CCDC174: variants seen among roughly 807,000 people sequenced by gnomAD.
The protein encoded by CCDC174 is coiled-coil domain-containing protein 174.
In CCDC174, 37 loss-of-function variants were observed where a neutral mutation model predicts 57.1. The ratio of observed to expected loss-of-function variants is 0.65; its 90% CI spans 0.50 to 0.85. The LOEUF is 0.85. Ranked by LOEUF, CCDC174 falls within the 40% of genes least tolerant of loss-of-function variation. CCDC174 has a pLI of 0.00. For missense variants in CCDC174, 540 were observed against 574.3 expected, an observed-to-expected ratio of 0.94 and a Z score of 0.61; for synonymous variants, 182 against 190.2, an observed-to-expected ratio of 0.96 and a Z score of 0.35.
At chr3:14,654,784 G>A (rs927327061) in intron 2 of CCDC174, among the ~76,000 whole-genome samples, 2 of 152,166 alleles carry the variant, frequency 1.3e-5, no homozygotes, top group Admixed American at 1.3e-4. Context: ...ATAAACAGAT[G>A]GAAGGTTATC....
intron 10 of CCDC174, among the ~76,000 whole-genome samples, chr3:14,670,611 G>T (rs777383657): frequency 6.6e-6 from 1 of 152,118 alleles, no homozygotes; most frequent in Non-Finnish European, 1.5e-5. Context: ...TTGTATTTTG[G>T]TATGAAATAC....
At chr3:14,661,416 G>C (rs2031130336) in intron 4 of CCDC174, 114 bp from the exon 5 acceptor site, 1 of 785,648 alleles carries the variant, frequency 1.3e-6, no homozygotes, top group Non-Finnish European at 2.1e-6. Flanking sequence ...GGAGGCATTG[G>C]CTGATGAGCT....
chr3:14,668,230 C>T (rs747971942), intron 9 of CCDC174, 49 bp downstream of exon 9: 12 of 1,525,884 alleles, frequency 7.9e-6, no homozygotes, highest in South Asian at 6.1e-5. Context: ...ATTTTATTTC[C>T]ATTGATGTCT....
chr3:14,656,505 A>G (rs920183178), intron 3 of CCDC174, among the ~76,000 whole-genome samples: 2 of 152,206 alleles, frequency 1.3e-5, no homozygotes, highest in East Asian at 3.8e-4. Context: ...TGTCCTTCCC[A>G]TTGAATCACA....
Position 14,666,937 on chromosome 3 carries a change from T to A in CCDC174, c.714T>A (p.Ile238=). The A allele has an allele frequency of 6.3e-7, 1 of 1,576,174 alleles. No homozygotes were observed. The highest frequency in any genetic ancestry group is 8.6e-7 in the Non-Finnish European group (1 of 1,169,224). ...RPMGPVHYED[I]RENEARQLGV... Reference sequence around the variant, plus strand: ...TGGGGCCCGTACATTATGAAGACATTCGGGAAAATGGTATGACTATTTTCT... The same window carrying A: ...TGGGGCCCGTACATTATGAAGACATACGGGAAAATGGTATGACTATTTTCT... Residue 238 remains isoleucine, a synonymous_variant, in exon 7 of 11, where the codon ATT becomes ATA. Transcript: ENST00000383794.
intron 4 of CCDC174, 69 bp from the exon 5 acceptor site, chr3:14,661,461 G>A (rs2031131890): frequency 7.2e-7 from 1 of 1,384,512 alleles, no homozygotes; most frequent in South Asian, 1.4e-5. Context: ...CAATGAATGT[G>A]ACTGCTTCTT....
At chr3:14,663,084 C>T (rs1250624729) in intron 5 of CCDC174, among the ~76,000 whole-genome samples, 1 of 152,220 alleles carries the variant, frequency 6.6e-6, no homozygotes, top group Non-Finnish European at 1.5e-5. Flanking sequence ...AGGGTCTCCA[C>T]ACTCCGTCAC....
chr3:14,654,715 A>G (rs2030893420), intron 2 of CCDC174, among the ~76,000 whole-genome samples, 185 bp downstream of exon 2: 1 of 152,240 alleles, frequency 6.6e-6, no homozygotes, highest in Non-Finnish European at 1.5e-5. Context: ...ATAAAAGTAC[A>G]TAGTAATGTG....
At chr3:14,667,628 C>A in intron 8 of CCDC174, 110 bp downstream of exon 8, 1 of 813,278 alleles carries the variant, frequency 1.2e-6, no homozygotes, top group Non-Finnish European at 2.0e-6. Context: ...AATTGATATT[C>A]AGAATTGCAT....
intron 2 of CCDC174, among the ~76,000 whole-genome samples, chr3:14,654,803 T>G (rs1181727032): frequency 6.6e-6 from 1 of 152,200 alleles, no homozygotes; most frequent in African/African-American, 2.4e-5. Flanking sequence ...TCTGGTTCTA[T>G]AAGTGTTAGG....
rs758160957 is a variant in CCDC174, at chr3:14,671,056, G to A, written c.1266G>A (p.Gly422=). ...SRPGPAQSDP[G]QCPDQSHGPS... ...CTGGGCCAGCACAGAGTGACCCAGG[G>A]CAGTGCCCTGACCAGAGCCACGGAC... is the stretch of plus-strand genomic sequence containing the variant. Residue 422 remains glycine (G), a synonymous_variant, in exon 11 of 11, where the codon GGG becomes GGA. Coordinates refer to ENST00000383794, the MANE Select transcript of CCDC174 (RefSeq NM_016474.5). 3 of 1,614,170 alleles carry A rather than the reference G, an allele frequency of 1.9e-6. No individual in the cohort carries two copies. The highest frequency in any genetic ancestry group is 1.7e-5 in the Admixed American group (1 of 60,022).
rs1464714681 is a variant in CCDC174, at chr3:14,651,842, C to A, written c.6C>A (p.Asp2Glu). Residue 2 changes from aspartate (D) to glutamate (E), a missense_variant, in exon 1 of 11, where the codon GAC becomes GAA. Coordinates refer to ENST00000383794, the MANE Select transcript of CCDC174 (RefSeq NM_016474.5). The part of the protein sequence containing the change: M[D>E]RRKKPLDVTA... Reference sequence around the variant, plus strand: ...CGGGACCCTCTGCCACGACCATGGACCGTAGGAAAAAGCCTTTGGACGTCA... The same window carrying A: ...CGGGACCCTCTGCCACGACCATGGAACGTAGGAAAAAGCCTTTGGACGTCA... The A allele has an allele frequency of 6.2e-7, 1 of 1,614,102 alleles. No individual in the cohort carries two copies.
intron 6 of CCDC174, among the ~76,000 whole-genome samples, chr3:14,666,486 G>T (rs2033446): frequency 6.6e-6 from 1 of 151,764 alleles, no homozygotes; most frequent in Non-Finnish European, 1.5e-5. Flanking sequence ...AGCCAGATGT[G>T]GTGGTGGGTG....
chr3:14,661,766 G>T, intron 5 of CCDC174, 59 bp downstream of exon 5: 1 of 1,473,512 alleles, frequency 6.8e-7, no homozygotes, highest in Non-Finnish European at 9.2e-7. Flanking sequence ...TGACATTTTG[G>T]GAGTGATTTT....
In CCDC174 at chr3:14,665,263, A is replaced by ATTGATTGATTGG. The variant is rs1553606987; in HGVS notation, c.581+140_581+141insTTGATTGATTGG. 343 of 658,726 alleles carry ATTGATTGATTGG rather than the reference A, an allele frequency of 5.2e-4. 5 individuals are homozygous for ATTGATTGATTGG. The South Asian group carries it at 6.0e-3, about 11-fold the overall frequency. 40.8% of individuals were successfully genotyped at this position (658,726 alleles called of 1,614,324 possible). A position where few individuals can be genotyped will look rare whatever the true frequency, so the allele number is the denominator to read the frequency against. ...TATTGATTGATTGATTGATTGATTG[A>ATTGATTGATTGG]AGCACTTTTTAGTGGTTAGCATGCA... On this transcript the variant is annotated intron_variant, in intron 6 of 10. Transcript: ENST00000383794.
intron 5 of CCDC174, 73 bp downstream of exon 5, chr3:14,661,780 G>C: frequency 2.2e-6 from 3 of 1,380,086 alleles, no homozygotes; most frequent in Non-Finnish European, 3.0e-6. Flanking sequence ...TGATTTTGTT[G>C]GGTTGTTATC....
rs1416128962 is a variant in CCDC174 at position 14,661,720 on chromosome 3, A to T, written c.485+13A>T. 1.2e-6 allele frequency: 2 copies of T among 1,606,134 alleles called. No individual in the cohort carries two copies. The highest frequency in any genetic ancestry group is 2.7e-5 in the African/African-American group (2 of 74,576). ...CCAGTGAAGAATGGTTGGTAACATC[A>T]TGGATTAGCTCAGAGGAACATCCTC... is the stretch of plus-strand genomic sequence containing the variant. On this transcript the variant is annotated intron_variant, in intron 5 of 10. Transcript: ENST00000383794.
At position 14,670,885 on chromosome 3, in the gene CCDC174, A is replaced by T; in HGVS notation, c.1106-11A>T. 1 of 1,582,848 alleles carries T rather than the reference A, an allele frequency of 6.3e-7. No homozygotes were observed. Among genetic ancestry groups the T allele is most frequent in the Non-Finnish European group, 8.6e-7 (1 of 1,161,708 alleles). On this transcript the variant is annotated splice_polypyrimidine_tract_variant and intron_variant, in intron 10 of 10. Coordinates refer to ENST00000383794, the MANE Select transcript of CCDC174 (RefSeq NM_016474.5). Reference sequence around the variant, plus strand: ...ATCAGTTCTAATAACTTTCTTTCTTATTTTTACCAGAATTTTCCTTTGGAT... The same window carrying T: ...ATCAGTTCTAATAACTTTCTTTCTTTTTTTTACCAGAATTTTCCTTTGGAT...
intron 6 of CCDC174, 115 bp downstream of exon 6, chr3:14,665,238 T>TTG (rs2124843999): frequency 1.6e-6 from 1 of 643,538 alleles, no homozygotes; most frequent in Admixed American, 2.7e-5. Flanking sequence ...AGTAAGGAGA[T>TTG]ATTGATTGAT....
Sources: gnomAD v4.1 joint callset for allele counts (sites outside exome capture counted in the v4.1 genomes callset) on GRCh38, gnomAD v4.1.1 for gene constraint, MANE v1.5 for transcripts, NCBI Gene and HGNC (gene_info 2026-07-23, HGNC 2026-07-21) for gene names.